The following RTN4RL1 variants were observed in gnomAD, a reference collection of about 807,000 sequenced individuals.
The protein encoded by RTN4RL1 is reticulon-4 receptor-like 1.
Under a neutral mutation model 25.6 loss-of-function variants are expected in RTN4RL1, and 7 were observed. The observed-to-expected ratio is 0.27, with a 90% CI of 0.16 to 0.51. The LOEUF is 0.51. RTN4RL1 is among the 20% of genes least tolerant of loss of function. The probability of loss-of-function intolerance (pLI) is 0.97; values close to 1 mark genes in which losing one functional copy is unlikely to be tolerated. For synonymous variants in RTN4RL1, 297 were observed against 288.2 expected (o/e 1.03, Z -0.31); for missense variants, 500 against 615.6 (o/e 0.81, Z 1.99).
At chr17:2,004,681 G>C (rs2066981792) in intron 1 of RTN4RL1, among the ~76,000 whole-genome samples, 1 of 152,250 alleles carries the variant, frequency 6.6e-6, no homozygotes, top group Non-Finnish European at 1.5e-5. Flanking sequence ...CCTGGGCAGA[G>C]AGGGCAGAGG....
intron 1 of RTN4RL1, among the ~76,000 whole-genome samples, chr17:2,004,426 G>T (rs1325146173): frequency 6.7e-6 from 1 of 150,270 alleles, no homozygotes; most frequent in Non-Finnish European, 1.5e-5. Context: ...TGTCTATTTT[G>T]CGGGCCAGGA....
At chr17:2,008,591 G>A (rs7225625) in intron 1 of RTN4RL1, among the ~76,000 whole-genome samples, 45,121 of 151,820 alleles carry the variant, frequency 0.3, 7,237 homozygotes, top group East Asian at 0.55. Context: ...CATTTGGGAA[G>A]TTCAAAAAAA....
rs1555518133 is a variant in RTN4RL1, at chr17:1,961,955, A to AAAAAAG, written c.14-24148_14-24147insCTTTTT. ...AGAGCGAGACTCTGCCTCAAAAAAA[A>AAAAAAG]AAAAGAAAAGAAAAGAAAGAAAAGA... On this transcript the variant is annotated intron_variant, in intron 1 of 1. Transcript: ENST00000331238. Among the ~76,000 whole-genome samples, 7 of 126,618 alleles carry AAAAAAG rather than the reference A, an allele frequency of 5.5e-5. 1 individual carries two copies. Among genetic ancestry groups the AAAAAAG allele is most frequent in the South Asian group, 2.5e-4 (1 of 3,974 alleles). The allele number at this position is 126,618 out of a possible 152,430, so 83.1% of individuals were successfully genotyped here.
intron 1 of RTN4RL1, among the ~76,000 whole-genome samples, chr17:2,005,547 G>T (rs1466642495): frequency 6.6e-6 from 1 of 152,118 alleles, no homozygotes; most frequent in Non-Finnish European, 1.5e-5. Context: ...ATTGAGAAAG[G>T]ACAGTCACTG....
chr17:2,014,657 C>A (rs1451541793), intron 1 of RTN4RL1, among the ~76,000 whole-genome samples: 1 of 152,132 alleles, frequency 6.6e-6, no homozygotes, highest in Admixed American at 6.5e-5. Flanking sequence ...CATGGCAAAA[C>A]CTTGTCTCTA....
At chr17:2,002,345 T>A (rs1275159415) in intron 1 of RTN4RL1, among the ~76,000 whole-genome samples, 1 of 150,792 alleles carries the variant, frequency 6.6e-6, no homozygotes, top group Non-Finnish European at 1.5e-5. Context: ...CAGGCTGGAG[T>A]GCAGTGGCGC....
chr17:1,941,687 T>C (rs1288390930), intron 1 of RTN4RL1, among the ~76,000 whole-genome samples: 1 of 151,896 alleles, frequency 6.6e-6, no homozygotes, highest in Non-Finnish European at 1.5e-5. Flanking sequence ...AGGGAAGCTG[T>C]CCTTCCAGGC....
intron 1 of RTN4RL1, chr17:2,020,264 C>A (rs1357496759): frequency 6.6e-6 from 1 of 152,228 alleles, no homozygotes; most frequent in African/African-American, 2.4e-5. Context: ...CTCTATACTT[C>A]CTCTGCAGCA....
Position 1,948,363 on chromosome 17 carries a change from C to T in RTN4RL1, c.14-10555G>A, listed in dbSNP as rs1915603386. On this transcript the variant is annotated intron_variant, in intron 1 of 1. Transcript: ENST00000331238. The stretch of plus-strand genomic sequence containing the variant: ...AAATTTGCTCCCAGGTTTGGGGGCC[C>T]CAGAACCTGAGTTGTGGCAGCGCAG... Among the ~76,000 whole-genome samples, 6 of 152,182 alleles carry T rather than the reference C, an allele frequency of 3.9e-5. No individual in the cohort carries two copies. The South Asian group carries it at 1.2e-3, about 31-fold the overall frequency.
chr17:1,962,611 T>C (rs1334393856), intron 1 of RTN4RL1, among the ~76,000 whole-genome samples: 3 of 151,948 alleles, frequency 2.0e-5, no homozygotes, highest in South Asian at 4.2e-4. Context: ...ACACCTGTAA[T>C]CCCAGCACTT....
At chr17:1,948,581 G>A (rs182396838) in intron 1 of RTN4RL1, among the ~76,000 whole-genome samples, 114 of 152,202 alleles carry the variant, frequency 7.5e-4, no homozygotes, top group African/African-American at 2.7e-3. Context: ...GCAGACAGGC[G>A]GACACAGGCG....
intron 1 of RTN4RL1, among the ~76,000 whole-genome samples, chr17:1,954,104 T>C (rs1915739133): frequency 6.6e-6 from 1 of 152,222 alleles, no homozygotes. Flanking sequence ...TCCAAACTTC[T>C]TGTCATAGAA....
In RTN4RL1 at chr17:1,935,464, G is replaced by A. The variant is rs1915275535; in HGVS notation, c.*1032C>T. 1 of 759,258 alleles carries A rather than the reference G, an allele frequency of 1.3e-6. No homozygotes were observed. The highest frequency in any genetic ancestry group is 1.6e-6 in the Non-Finnish European group (1 of 623,150). 47.0% of individuals were successfully genotyped at this position (759,258 alleles called of 1,614,324 possible). On this transcript the variant is annotated 3_prime_UTR_variant, in exon 2 of 2. Coordinates refer to ENST00000331238, the MANE Select transcript of RTN4RL1 (RefSeq NM_178568.4). ...TATCTAAGAATATTGGTCCCCCAAAGTGACTCTTGCTGCCTCCCCCTTCCT... is the reference window on the plus strand; with the variant it reads ...TATCTAAGAATATTGGTCCCCCAAAATGACTCTTGCTGCCTCCCCCTTCCT...
At chr17:2,005,424 T>C (rs1371765139) in intron 1 of RTN4RL1, among the ~76,000 whole-genome samples, 3 of 152,214 alleles carry the variant, frequency 2.0e-5, no homozygotes, top group Non-Finnish European at 4.4e-5. Context: ...ATTCCCAGAT[T>C]TCAACCTGGC....
intron 1 of RTN4RL1, among the ~76,000 whole-genome samples, chr17:1,963,446 A>G (rs1597497629): frequency 6.6e-6 from 1 of 151,908 alleles, no homozygotes; most frequent in Non-Finnish European, 1.5e-5. Flanking sequence ...CAGCTCCCCC[A>G]CCTTCTCTCC....
In RTN4RL1 at chr17:2,025,124, T is replaced by G; in HGVS notation, c.-259A>C. ...CTTGCTCAGCCCCGGGGCGAGCGGC[T>G]TGCTCCGCGGAGCCGGCGGCCTGCT... On this transcript the variant is annotated 5_prime_UTR_variant, in exon 1 of 2. Coordinates refer to ENST00000331238, the MANE Select transcript of RTN4RL1 (RefSeq NM_178568.4). This position sits in a 1 kb window ranked among gnomAD's most constrained non-coding sequence, Gnocchi z 4.8. 3.0e-6 allele frequency: 1 copy of G among 331,372 alleles called. No homozygotes were observed. Among genetic ancestry groups the G allele is most frequent in the Non-Finnish European group, 5.5e-6 (1 of 183,328 alleles). The allele number at this position is 331,372 out of a possible 1,614,324, so 20.5% of individuals were successfully genotyped here. A position where few individuals can be genotyped will look rare whatever the true frequency, so the allele number is the denominator to read the frequency against.
At chr17:1,955,747 C>A (rs570870993) in intron 1 of RTN4RL1, among the ~76,000 whole-genome samples, 7 of 151,648 alleles carry the variant, frequency 4.6e-5, no homozygotes, top group Non-Finnish European at 1.0e-4. Context: ...CCATGCCCGG[C>A]GAATTTTTGT....
intron 1 of RTN4RL1, among the ~76,000 whole-genome samples, chr17:1,948,879 G>A (rs1485514567): frequency 6.6e-5 from 10 of 151,848 alleles, no homozygotes; most frequent in South Asian, 2.1e-4. Flanking sequence ...TGCAACCTCC[G>A]CCTCCTGGGC....
chr17:1,964,262 A>G (rs930414555), intron 1 of RTN4RL1, among the ~76,000 whole-genome samples: 5 of 152,320 alleles, frequency 3.3e-5, no homozygotes, highest in South Asian at 2.1e-4. Context: ...TGATATTGCA[A>G]TATCATATTT....
Sources: gnomAD v4.1 joint callset for allele counts (sites outside exome capture counted in the v4.1 genomes callset) on GRCh38, gnomAD v4.1.1 for gene constraint, Gnocchi (gnomAD v3.1) non-coding constraint, MANE v1.5 for transcripts, NCBI Gene and HGNC (gene_info 2026-07-23, HGNC 2026-07-21) for gene names.